Variants in NOC2L observed in about 807,000 individuals in gnomAD.
The protein encoded by NOC2L is nucleolar complex protein 2 homolog.
NOC2L carries 101 observed loss-of-function variants against 94.2 expected under a neutral mutation model. That is an observed-to-expected ratio of 1.07 (90% CI 0.91 to 1.26). The LOEUF (loss-of-function observed/expected upper bound fraction) is 1.26, where lower values mean the gene tolerates loss of function less well. Among genes scored for constraint, NOC2L ranks in the 50% most tolerant of loss-of-function variants. The pLI is 0.00. For synonymous variants in NOC2L, 531 were observed against 413.4 expected (o/e 1.28, Z -3.45); for missense variants, 1,076 against 980.1 (o/e 1.10, Z -1.31).
intron 14 of NOC2L, among the ~76,000 whole-genome samples, chr1:947,332 A>G (rs1642140953): frequency 6.6e-6 from 1 of 152,166 alleles, no homozygotes; most frequent in Non-Finnish European, 1.5e-5. Flanking sequence ...GCCCCCCAGA[A>G]AGGGGGTCCC....
chr1:958,553 G>A (rs370886404), intron 2 of NOC2L: 3 of 426,810 alleles, frequency 7.0e-6, no homozygotes, highest in East Asian at 6.3e-5. Flanking sequence ...CACAGCCTCC[G>A]CTCCTTCTAA....
At position 951,221 on chromosome 1, in the gene NOC2L, CG is replaced by C; in HGVS notation, c.1348del (p.Arg450AlafsTer13). On this transcript the variant is annotated frameshift_variant, in exon 12 of 19. Transcript: ENST00000327044. LOFTEE classifies it high-confidence loss of function. ...IGCIKLIPTA[R>X]FYPLRMHCIR... ...GCAGTGCATTCGCAGCGGGTAGAAG[CG>C]GGCAGTGGGGATGAGCCTGGGGGTG... The C allele has an allele frequency of 6.3e-7, 1 of 1,588,292 alleles. No individual in the cohort carries two copies. The highest frequency in any genetic ancestry group is 8.6e-7 in the Non-Finnish European group (1 of 1,167,524).
rs1642441296 is a variant in NOC2L at position 957,412 on chromosome 1, A to T, written c.180-139T>A. The T allele has an allele frequency of 5.3e-6, 4 of 760,532 alleles. No individual in the cohort carries two copies. The East Asian group carries it at 1.1e-4, about 20-fold the overall frequency. 47.1% of individuals were successfully genotyped at this position (760,532 alleles called of 1,614,324 possible). On this transcript the variant is annotated intron_variant, in intron 2 of 18. Coordinates refer to ENST00000327044, the MANE Select transcript of NOC2L (RefSeq NM_015658.4). The stretch of plus-strand genomic sequence containing the variant: ...TTGCCAGGAGGTACGTTTTTGGCAG[A>T]CTCACGTCTCCTACCCAACAACCTC...
rs776092767 is a variant in NOC2L, at chr1:951,269, C to T, written c.1332-31G>A. The T allele has an allele frequency of 3.3e-6, 5 of 1,509,894 alleles. No individual in the cohort carries two copies. The African/African-American group carries it at 6.9e-5, about 21-fold the overall frequency. 93.5% of individuals were successfully genotyped at this position (1,509,894 alleles called of 1,614,324 possible). On this transcript the variant is annotated intron_variant, in intron 11 of 18. Coordinates refer to ENST00000327044, the MANE Select transcript of NOC2L (RefSeq NM_015658.4). Reference sequence around the variant, plus strand: ...GGTGGGAAGGCCGAGTGAGCAGAGGCCCCGGCTCTGGCAGCCCCTGCCCCT... The same window carrying T: ...GGTGGGAAGGCCGAGTGAGCAGAGGTCCCGGCTCTGGCAGCCCCTGCCCCT...
At chr1:949,677 C>T (rs1399825791) in intron 12 of NOC2L, among the ~76,000 whole-genome samples, 1 of 152,222 alleles carries the variant, frequency 6.6e-6, no homozygotes, top group Non-Finnish European at 1.5e-5. Context: ...ACAAGGGAAA[C>T]AGACACAAAG....
At chr1:952,712 G>A (rs1642293965) in intron 9 of NOC2L, 112 bp from the exon 10 acceptor site, 1 of 1,075,758 alleles carries the variant, frequency 9.3e-7, no homozygotes, top group Non-Finnish European at 1.4e-6. Context: ...GGGCCTCGAG[G>A]AAGAGCCGTA....
At chr1:954,302 A>C in intron 6 of NOC2L, 3 of 528,550 alleles carry the variant, frequency 5.7e-6, no homozygotes, top group South Asian at 2.8e-5. Flanking sequence ...GTGGCCTTGA[A>C]CTCCTGTCTG....
In NOC2L at chr1:945,536, C is replaced by G. The variant is rs772663096; in HGVS notation, c.2035G>C (p.Glu679Gln). ...GCCCCACCTCTCTCCGAGAATCCCT[C>G]GGTGTCGTCCTCTTCAGAGCTGTTC... ...DLNSSEEDDT[E>Q]GFSERGILRP... Residue 679 changes from glutamate (E) to glutamine (Q), a missense_variant, in exon 17 of 19, where the codon GAG (glutamate) becomes CAG (glutamine). By Grantham distance (29) the Glu-to-Gln change is conservative. Transcript: ENST00000327044. 1.9e-6 allele frequency: 3 copies of G among 1,613,938 alleles called. No homozygotes were observed. Among genetic ancestry groups the G allele is most frequent in the Non-Finnish European group, 2.5e-6 (3 of 1,179,860 alleles).
chr1:946,782 G>A (rs1310848235), intron 14 of NOC2L: 2 of 484,512 alleles, frequency 4.1e-6, no homozygotes, highest in East Asian at 7.5e-5. Flanking sequence ...TTTATGCCAG[G>A]CGTGGTGGCT....
chr1:946,064 GC>G, intron 16 of NOC2L, 108 bp downstream of exon 16: 1 of 830,258 alleles, frequency 1.2e-6, no homozygotes, highest in East Asian at 2.6e-5. Context: ...CACGGCCCTG[GC>G]CGCCTGGCAC....
intron 17 of NOC2L, 25 bp downstream of exon 17, chr1:945,493 C>G (rs760834176): frequency 6.2e-7 from 1 of 1,612,368 alleles, no homozygotes; most frequent in Non-Finnish European, 8.5e-7. Flanking sequence ...CCACCCTTCC[C>G]CTGGGAGCAC....
Position 956,114 on chromosome 1 carries a change from G to A in NOC2L, c.588C>T (p.Phe196=), listed in dbSNP as rs1374958469. ...GDQESAEANK[F]QVTDSAAFNA... The stretch of plus-strand genomic sequence containing the variant: ...GCTCACCAGCACTGTCCGTGACCTG[G>A]AATTTGTTGGCCTCAGCACTTTCCT... Residue 196 remains phenylalanine, a synonymous_variant, in exon 5 of 19, where the codon TTC becomes TTT. Coordinates refer to ENST00000327044, the MANE Select transcript of NOC2L (RefSeq NM_015658.4). 6.2e-7 allele frequency: 1 copy of A among 1,613,948 alleles called. No individual in the cohort carries two copies. The highest frequency in any genetic ancestry group is 1.1e-5 in the South Asian group (1 of 91,080).
intron 12 of NOC2L, among the ~76,000 whole-genome samples, 182 bp from the exon 13 acceptor site, chr1:948,785 C>T (rs1478538151): frequency 1.3e-5 from 2 of 152,218 alleles, no homozygotes; most frequent in African/African-American, 2.4e-5. Flanking sequence ...CAGCTAGGCA[C>T]GGTCCCAGCC....
chr1:948,101 G>A (rs1271328043), intron 14 of NOC2L, 30 bp downstream of exon 14: 3 of 1,530,716 alleles, frequency 2.0e-6, no homozygotes, highest in Non-Finnish European at 2.7e-6. Flanking sequence ...GTCTGAGTCG[G>A]CCACGAGCCG....
intron 12 of NOC2L, among the ~76,000 whole-genome samples, chr1:950,542 G>GGTACACACATGC (rs1642229925): frequency 6.6e-6 from 1 of 151,444 alleles, no homozygotes; most frequent in South Asian, 2.1e-4. Context: ...TACACGCAAA[G>GGTACACACATGC]GTACACACAT....
intron 12 of NOC2L, among the ~76,000 whole-genome samples, chr1:948,853 AT>A (rs1642184528): frequency 6.6e-6 from 1 of 152,128 alleles, no homozygotes; most frequent in Non-Finnish European, 1.5e-5. Flanking sequence ...GCAGGGAAGG[AT>A]CAGGAACACG....
At chr1:958,657 C>T (rs565528502) in intron 2 of NOC2L, 3 of 659,172 alleles carry the variant, frequency 4.6e-6, no homozygotes, top group South Asian at 1.5e-5. Context: ...GAACTGCAGG[C>T]GGTGATTTCA....
intron 6 of NOC2L, 48 bp from the exon 7 acceptor site, chr1:954,130 C>A (rs755558468): frequency 1.3e-6 from 2 of 1,577,950 alleles, no homozygotes; most frequent in Non-Finnish European, 1.7e-6. Flanking sequence ...ACGGCTCGGA[C>A]GCGAGGCTGC....
chr1:955,021 C>G (rs1405518743), intron 6 of NOC2L, among the ~76,000 whole-genome samples: 1 of 152,230 alleles, frequency 6.6e-6, no homozygotes, highest in African/African-American at 2.4e-5. Flanking sequence ...CAGCTGCCCA[C>G]CCAGACCCAG....
Sources: gnomAD v4.1 joint callset for allele counts (sites outside exome capture counted in the v4.1 genomes callset) on GRCh38, gnomAD v4.1.1 for gene constraint, MANE v1.5 for transcripts, NCBI Gene and HGNC (gene_info 2026-07-23, HGNC 2026-07-21) for gene names.